WWOX: variants seen among roughly 807,000 people sequenced by gnomAD.
WWOX encodes the protein WW domain containing oxidoreductase.
Under a neutral mutation model 46.2 loss-of-function variants are expected in WWOX, and 69 were observed. That is an observed-to-expected ratio of 1.49 (90% CI 1.23 to 1.82). The LOEUF (loss-of-function observed/expected upper bound fraction) is 1.82. WWOX is among the 40% of genes most tolerant of loss of function. The probability of loss-of-function intolerance (pLI) is 0.00; values close to 1 mark genes in which losing one functional copy is unlikely to be tolerated. For synonymous variants in WWOX, 359 were observed against 202.6 expected, an observed-to-expected ratio of 1.77 and a Z score of -6.56; for missense variants, 919 against 542.6, an observed-to-expected ratio of 1.69 and a Z score of -6.89.
chr16:78,926,410 G>T (rs1473759309), intron 8 of WWOX, among the ~76,000 whole-genome samples: 1 of 151,754 alleles, frequency 6.6e-6, no homozygotes, highest in Non-Finnish European at 1.5e-5. Context: ...ATAAAGCCTG[G>T]CCCATGCAAT....
Position 78,382,038 on chromosome 16 carries a change from C to G in WWOX, c.517-4822C>G, listed in dbSNP as rs952122291. Among the ~76,000 whole-genome samples, 6 of 152,122 alleles carry G rather than the reference C, an allele frequency of 3.9e-5. No individual in the cohort carries two copies. The East Asian group carries it at 7.7e-4, about 20-fold the overall frequency. Reference sequence around the variant, plus strand: ...TGCCCAGCCAGTTATATTTTAGATGCTTTTTTATATGGCCCATATTCATAT... The same window carrying G: ...TGCCCAGCCAGTTATATTTTAGATGGTTTTTTATATGGCCCATATTCATAT... On this transcript the variant is annotated intron_variant, in intron 5 of 8. Coordinates refer to ENST00000566780, the MANE Select transcript of WWOX (RefSeq NM_016373.4).
In WWOX at chr16:78,493,921, C is replaced by A. The variant is rs192828270; in HGVS notation, c.1056+61169C>A. Among the ~76,000 whole-genome samples, 5 of 152,244 alleles carry A rather than the reference C, an allele frequency of 3.3e-5. No individual in the cohort carries two copies. In the South Asian group the frequency reaches 1.0e-3, roughly 32 times the overall value. ...TTCCCTACTAGGTAGAGCAATGATT[C>A]CAGAAGTTTATAATAATTGGAAAGT... is the stretch of plus-strand genomic sequence containing the variant. On this transcript the variant is annotated intron_variant, in intron 8 of 8. Transcript: ENST00000566780.
chr16:78,899,614 T>C (rs1396494575), intron 8 of WWOX: 2 of 152,200 alleles, frequency 1.3e-5, no homozygotes, highest in Non-Finnish European at 2.9e-5. Flanking sequence ...ACATCCGCCA[T>C]TGTCAATTTT....
At position 78,341,096 on chromosome 16, in the gene WWOX, A is replaced by G. The variant is rs1015033403; in HGVS notation, c.517-45764A>G. On this transcript the variant is annotated intron_variant, in intron 5 of 8. Coordinates refer to ENST00000566780, the MANE Select transcript of WWOX (RefSeq NM_016373.4). The stretch of plus-strand genomic sequence containing the variant: ...ATTGTGTTACTTCTCAGCTGTCCCC[A>G]TGGCTAGCTTAAGACTCAGCTCTCT... Among the ~76,000 whole-genome samples, 50 of 107,220 alleles carry G rather than the reference A, an allele frequency of 4.7e-4. 13 individuals carry two copies. Among genetic ancestry groups the G allele is most frequent in the Admixed American group, 3.0e-3 (34 of 11,194 alleles). 70.3% of individuals were successfully genotyped at this position (107,220 alleles called of 152,430 possible).
intron 5 of WWOX, among the ~76,000 whole-genome samples, chr16:78,194,856 C>T (rs761900087): frequency 2.0e-5 from 3 of 152,190 alleles, no homozygotes; most frequent in Non-Finnish European, 4.4e-5. Flanking sequence ...AACCCACTAA[C>T]GCTCTATGTA....
chr16:78,323,423 G>A (rs11645021), intron 5 of WWOX, among the ~76,000 whole-genome samples: 2 of 152,108 alleles, frequency 1.3e-5, no homozygotes, highest in African/African-American at 2.4e-5. Context: ...TGTATTAATA[G>A]TAGGGAGACA....
intron 8 of WWOX, among the ~76,000 whole-genome samples, chr16:78,493,356 A>G (rs1400297856): frequency 6.6e-6 from 1 of 152,194 alleles, no homozygotes; most frequent in Non-Finnish European, 1.5e-5. Flanking sequence ...TCACTGCAAG[A>G]TCGACAGGCT....
chr16:79,040,664 T>A (rs915949668), intron 8 of WWOX, among the ~76,000 whole-genome samples: 1 of 152,036 alleles, frequency 6.6e-6, no homozygotes, highest in African/African-American at 2.4e-5. Flanking sequence ...GTTCCCACCC[T>A]CATCATCAAC....
rs1414866502 is a variant in WWOX, at chr16:78,350,235, C to G, written c.517-36625C>G. On this transcript the variant is annotated intron_variant, in intron 5 of 8. Coordinates refer to ENST00000566780, the MANE Select transcript of WWOX (RefSeq NM_016373.4). ...GAGGTATGTTTCAAGTGATTTATTA[C>G]TAGAAATTCTTAGCGAGCTGAAGTT... Among the ~76,000 whole-genome samples, 6 of 121,214 alleles carry G rather than the reference C, an allele frequency of 4.9e-5. 1 individual carries two copies. In the East Asian group the frequency reaches 5.8e-4, roughly 12 times the overall value. The allele number at this position is 121,214 out of a possible 152,430, so 79.5% of individuals were successfully genotyped here.
chr16:78,508,233 A>T (rs1456276387), intron 8 of WWOX, among the ~76,000 whole-genome samples: 2 of 142,402 alleles, frequency 1.4e-5, no homozygotes, highest in Admixed American at 1.4e-4. Flanking sequence ...CTGGTCTTGA[A>T]CTCCTGATCT....
intron 8 of WWOX, among the ~76,000 whole-genome samples, chr16:79,176,317 C>A (rs929876825): frequency 2.0e-5 from 3 of 152,230 alleles, no homozygotes; most frequent in Non-Finnish European, 4.4e-5. Flanking sequence ...CTGCTGATAT[C>A]TGCATCCAGT....
intron 5 of WWOX, among the ~76,000 whole-genome samples, chr16:78,382,416 G>A (rs774800809): frequency 5.9e-5 from 9 of 152,294 alleles, no homozygotes; most frequent in South Asian, 4.1e-4. Flanking sequence ...GAGTGGCCAC[G>A]GTGAGCTGGG....
chr16:78,127,720 C>T (rs1461765175), intron 4 of WWOX, among the ~76,000 whole-genome samples: 1 of 152,136 alleles, frequency 6.6e-6, no homozygotes, highest in Admixed American at 6.5e-5. Flanking sequence ...ATAGGACTGC[C>T]TGGTGTATTA....
chr16:78,610,896 G>T (rs1025965073), intron 8 of WWOX, among the ~76,000 whole-genome samples: 1 of 152,084 alleles, frequency 6.6e-6, no homozygotes, highest in African/African-American at 2.4e-5. Flanking sequence ...ATGACAGGAA[G>T]CCTACAATTT....
chr16:78,700,734 C>T (rs1316067115), intron 8 of WWOX, among the ~76,000 whole-genome samples: 1 of 152,186 alleles, frequency 6.6e-6, no homozygotes, highest in African/African-American at 2.4e-5. Context: ...TGGCCACAGC[C>T]TCTAGAACCA....
intron 5 of WWOX, among the ~76,000 whole-genome samples, chr16:78,198,633 A>G (rs1436405115): frequency 6.6e-6 from 1 of 152,172 alleles, no homozygotes; most frequent in African/African-American, 2.4e-5. Context: ...CCACTTCTTC[A>G]GCTGTTGATT....
chr16:78,342,264 A>G lies in WWOX; in HGVS notation c.517-44596A>G, dbSNP rs1036220205. 3.3e-5 allele frequency among the ~76,000 whole-genome samples: 4 copies of G among 121,318 alleles called. 1 individual carries two copies. Among genetic ancestry groups the G allele is most frequent in the African/African-American group, 1.1e-4 (4 of 35,872 alleles). 79.6% of individuals were successfully genotyped at this position (121,318 alleles called of 152,430 possible). On this transcript the variant is annotated intron_variant, in intron 5 of 8. Coordinates refer to ENST00000566780, the MANE Select transcript of WWOX (RefSeq NM_016373.4). ...TACGACAAACAACTTGCAACGTCTC[A>G]TTATCTTCATACAACAAACGCTGAT...
chr16:78,423,184 C>G (rs188575246), intron 6 of WWOX, among the ~76,000 whole-genome samples: 63 of 152,224 alleles, frequency 4.1e-4, no homozygotes, highest in Middle Eastern at 3.4e-3. Flanking sequence ...CATGCCTGCC[C>G]TTATTTTTAT....
intron 8 of WWOX, among the ~76,000 whole-genome samples, chr16:78,490,575 G>A (rs1036530098): frequency 2.6e-5 from 4 of 152,212 alleles, no homozygotes; most frequent in African/African-American, 9.7e-5. Context: ...GGAGGAGAAA[G>A]AAGACAGGGC....
Sources: gnomAD v4.1 joint callset for allele counts (sites outside exome capture counted in the v4.1 genomes callset) on GRCh38, gnomAD v4.1.1 for gene constraint, MANE v1.5 for transcripts, NCBI Gene and HGNC (gene_info 2026-07-23, HGNC 2026-07-21) for gene names.